The following SHTN1 variants were observed in gnomAD, a reference collection of about 807,000 sequenced individuals.
SHTN1 encodes shootin 1.
Under a neutral mutation model 83.1 loss-of-function variants are expected in SHTN1, and 42 were observed. The observed-to-expected ratio is 0.51, with a 90% confidence interval of 0.39 to 0.65. SHTN1 has a LOEUF of 0.65. SHTN1 is among the 30% of genes least tolerant of loss of function. The pLI, the probability that SHTN1 is intolerant of heterozygous loss-of-function variation, is 0.00. For missense variants in SHTN1, 622 were observed against 737.8 expected, an observed-to-expected ratio of 0.84 and a Z score of 1.82; for synonymous variants, 224 against 247.7, an observed-to-expected ratio of 0.90 and a Z score of 0.90.
chr10:117,087,997 G>A lies in SHTN1; in HGVS notation c.-189+38310C>T, dbSNP rs980753662. 2.0e-5 allele frequency among the ~76,000 whole-genome samples: 3 copies of A among 152,216 alleles called. No homozygotes were observed. In the South Asian group the frequency reaches 6.2e-4, roughly 32 times the overall value. The stretch of plus-strand genomic sequence containing the variant: ...ATGCACCTGTAGTCCCAGCCACTCA[G>A]AAGGCTGAGGCAGGAGGAAACAAAA... On this transcript the variant is annotated intron_variant, in intron 1 of 17. Coordinates refer to the SHTN1 transcript ENST00000392901.
intron 2 of SHTN1, among the ~76,000 whole-genome samples, chr10:117,012,017 T>C (rs1306574136): frequency 6.6e-6 from 1 of 151,542 alleles, no homozygotes; most frequent in Non-Finnish European, 1.5e-5. Context: ...GCGGGGCCTG[T>C]AGTCCCAGCT....
Position 117,109,753 on chromosome 10 carries a change from C to T in SHTN1, c.-189+16554G>A, listed in dbSNP as rs911698285. Among the ~76,000 whole-genome samples, 6 of 151,394 alleles carry T rather than the reference C, an allele frequency of 4.0e-5. 1 individual carries two copies. The highest frequency in any genetic ancestry group is 4.2e-4 in the South Asian group (2 of 4,774). On this transcript the variant is annotated intron_variant, in intron 1 of 17. Transcript: ENST00000392901. The stretch of plus-strand genomic sequence containing the variant: ...ATAATTTCTGTATTTTTAGTAGAGA[C>T]GGGGTTTTGCCACATTGGCCAGGCT...
chr10:116,997,521 G>A (rs1851667040), intron 1 of SHTN1, among the ~76,000 whole-genome samples: 1 of 152,182 alleles, frequency 6.6e-6, no homozygotes. Flanking sequence ...GTTGGGAGAA[G>A]TGCTGATCAG....
intron 2 of SHTN1, among the ~76,000 whole-genome samples, chr10:116,978,364 G>A (rs1019455144): frequency 6.6e-6 from 1 of 152,084 alleles, no homozygotes; most frequent in African/African-American, 2.4e-5. Flanking sequence ...AGCAGTGATG[G>A]CTATCTTCTT....
intron 1 of SHTN1, among the ~76,000 whole-genome samples, chr10:117,073,591 T>C (rs1853115365): frequency 6.6e-6 from 1 of 152,200 alleles, no homozygotes; most frequent in South Asian, 2.1e-4. Flanking sequence ...TTGCATTTCA[T>C]TGATTAGCCT....
At chr10:117,102,006 GAA>G (rs200023481) in intron 1 of SHTN1, among the ~76,000 whole-genome samples, 1 of 98,794 alleles carries the variant, frequency 1.0e-5, no homozygotes, top group Admixed American at 1.1e-4. Context: ...TGTGAGGACA[GAA>G]AAAAAAAAAG....
At chr10:117,002,192 T>C (rs906941157) in intron 1 of SHTN1, among the ~76,000 whole-genome samples, 9 of 152,172 alleles carry the variant, frequency 5.9e-5, no homozygotes, top group Non-Finnish European at 1.2e-4. Flanking sequence ...AATCCAACAA[T>C]TCCATTTCTT....
At chr10:116,989,554 T>A (rs1851344872) in intron 1 of SHTN1, among the ~76,000 whole-genome samples, 1 of 152,200 alleles carries the variant, frequency 6.6e-6, no homozygotes, top group African/African-American at 2.4e-5. Flanking sequence ...CCCTCGTTCC[T>A]GCCTAAAAAC....
chr10:116,943,560 G>A (rs1380394010), intron 8 of SHTN1, among the ~76,000 whole-genome samples: 1 of 151,894 alleles, frequency 6.6e-6, no homozygotes, highest in Non-Finnish European at 1.5e-5. Flanking sequence ...TTTCTTCCAA[G>A]TAATAAGAGA....
intron 1 of SHTN1, among the ~76,000 whole-genome samples, chr10:117,107,609 G>C (rs1314582423): frequency 1.3e-5 from 2 of 152,148 alleles, no homozygotes; most frequent in Non-Finnish European, 2.9e-5. Context: ...ATAATATTAG[G>C]ATGAAAGCCA....
intron 13 of SHTN1, among the ~76,000 whole-genome samples, chr10:116,914,144 C>G (rs1357285727): frequency 6.6e-6 from 1 of 152,166 alleles, no homozygotes; most frequent in Non-Finnish European, 1.5e-5. Context: ...CCTTGCCTGG[C>G]TATCTTGCCT....
Position 116,901,775 on chromosome 10 carries a change from C to T in SHTN1, c.1663G>A (p.Val555Ile). 6.3e-7 allele frequency: 1 copy of T among 1,598,746 alleles called. No individual in the cohort carries two copies. The highest frequency in any genetic ancestry group is 8.5e-7 in the Non-Finnish European group (1 of 1,175,014). Residue 555 changes from valine to isoleucine, a missense_variant, in exon 16 of 17, where the codon GTT (valine) becomes ATT (isoleucine). Physicochemically the swap from Val to Ile is conservative, Grantham distance 29. This residue lies in a region of SHTN1 where 231 missense variants were observed against 251.6 expected (regional missense o/e 0.92). Coordinates refer to ENST00000355371, the MANE Select transcript of SHTN1 (RefSeq NM_001127211.3). ...RKLEGCTSSK[V>I]TFQPPSSIGC... ...AGCATCGTTACTTACTGAAACGTAACCTTGGAACTTGTGCATCCTTCCAAT... is the reference window on the plus strand; with the variant it reads ...AGCATCGTTACTTACTGAAACGTAATCTTGGAACTTGTGCATCCTTCCAAT...
Position 117,037,505 on chromosome 10 carries a change from A to G in SHTN1, c.-123+10940T>C, listed in dbSNP as rs144367602. Among the ~76,000 whole-genome samples, 567 of 152,318 alleles carry G rather than the reference A, an allele frequency of 3.7e-3. 4 individuals are homozygous for G. Among genetic ancestry groups the G allele is most frequent in the African/African-American group, 0.013 (536 of 41,578 alleles). ...AGATCTTCCTAAGTTGATCAATGCA[A>G]TACCAATCAAAATTCTGGCAAGTTA... On this transcript the variant is annotated intron_variant, in intron 2 of 17. Transcript: ENST00000392901.
chr10:117,034,155 T>G (rs1852460951), intron 2 of SHTN1, among the ~76,000 whole-genome samples: 1 of 152,156 alleles, frequency 6.6e-6, no homozygotes, highest in Admixed American at 6.5e-5. Context: ...ACCACTATTA[T>G]TCAACATAGT....
intron 1 of SHTN1, among the ~76,000 whole-genome samples, chr10:117,124,827 CT>C (rs1463885083): frequency 6.6e-6 from 1 of 152,142 alleles, no homozygotes; most frequent in Non-Finnish European, 1.5e-5. Flanking sequence ...AGGATTCTGA[CT>C]GAAAGAAGTT....
intron 2 of SHTN1, among the ~76,000 whole-genome samples, chr10:117,043,262 T>C (rs1477708232): frequency 1.3e-5 from 2 of 151,890 alleles, no homozygotes; most frequent in Non-Finnish European, 1.5e-5. Context: ...GCCTCCCGAG[T>C]AGCTGGGACT....
intron 1 of SHTN1, among the ~76,000 whole-genome samples, chr10:117,096,589 A>C (rs187520881): frequency 3.4e-4 from 52 of 152,364 alleles, no homozygotes; most frequent in African/African-American, 1.2e-3. Flanking sequence ...GATACTTCTG[A>C]ACACTACTTT....
chr10:116,974,799 A>T (rs1850736415), intron 2 of SHTN1, among the ~76,000 whole-genome samples: 1 of 150,088 alleles, frequency 6.7e-6, no homozygotes, highest in Non-Finnish European at 1.5e-5. Context: ...CATGAAAGCT[A>T]TTCCATTCAA....
chr10:117,070,173 G>A (rs10787753), intron 1 of SHTN1, among the ~76,000 whole-genome samples: 103,984 of 151,508 alleles, frequency 0.69, 37,970 homozygotes, highest in Middle Eastern at 0.84. Context: ...AATGGACCCC[G>A]AAGTCAATAT....
Sources: allele counts gnomAD v4.1 joint callset (sites outside exome capture counted in the v4.1 genomes callset), GRCh38; gene constraint gnomAD v4.1.1; regional missense constraint gnomAD v4.1.1; transcripts MANE v1.5; gene names NCBI Gene and HGNC (gene_info 2026-07-23, HGNC 2026-07-21).